PPP1R3F: variants seen among roughly 807,000 people sequenced by gnomAD.
The protein encoded by PPP1R3F is protein phosphatase 1, regulatory (inhibitor) subunit 3F.
PPP1R3F carries 29 observed loss-of-function variants against 24.2 expected under a neutral mutation model. The observed-to-expected ratio is 1.20, with a 90% CI of 0.89 to 1.63. PPP1R3F has a LOEUF of 1.63. Among genes scored for constraint, PPP1R3F ranks in the 40% most tolerant of loss-of-function variants. The pLI, the probability that PPP1R3F is intolerant of heterozygous loss-of-function variation, is 0.00. For missense variants in PPP1R3F, 823 were observed against 729.3 expected (o/e 1.13, Z -1.48); for synonymous variants, 363 against 340.1 (o/e 1.07, Z -0.74).
At chrX:49,274,045 G>T (rs1481859547) in intron 1 of PPP1R3F, 3 of 112,829 alleles carry the variant, frequency 2.7e-5, no homozygotes, top group Non-Finnish European at 3.8e-5. Flanking sequence ...CAGAGGATTT[G>T]TTGTATGAGA....
At chrX:49,294,381 C>A (rs1407125356) in intron 3 of PPP1R3F, among the ~76,000 whole-genome samples, 1 of 108,237 alleles carries the variant, frequency 9.2e-6, no homozygotes, top group Non-Finnish European at 1.9e-5. Flanking sequence ...GCCACCACAC[C>A]CAGCTAAATT....
chrX:49,281,465 A>C lies in PPP1R3F; in HGVS notation c.1060+4A>C. Reference sequence around the variant, plus strand: ...GATGATAACACCTTTGCCATGGGTAAGCAATTGGCAAGCTTCGGAAGTTTT... The same window carrying C: ...GATGATAACACCTTTGCCATGGGTACGCAATTGGCAAGCTTCGGAAGTTTT... On this transcript the variant is annotated splice_donor_region_variant and intron_variant, in intron 2 of 3. Coordinates refer to ENST00000055335, the MANE Select transcript of PPP1R3F (RefSeq NM_033215.5). 8.4e-7 allele frequency: 1 copy of C among 1,190,423 alleles called. No individual in the cohort carries two copies. The highest frequency in any genetic ancestry group is 1.7e-5 in the African/African-American group (1 of 57,317).
At chrX:49,275,938 T>A (rs2066210149) in intron 1 of PPP1R3F, among the ~76,000 whole-genome samples, 1 of 112,520 alleles carries the variant, frequency 8.9e-6, no homozygotes, top group African/African-American at 3.2e-5. Flanking sequence ...ACCTGCTATC[T>A]GAGTTGGCAG....
intron 1 of PPP1R3F, among the ~76,000 whole-genome samples, chrX:49,278,520 A>G (rs1018949253): frequency 8.9e-6 from 1 of 112,147 alleles, no homozygotes; most frequent in Non-Finnish European, 1.9e-5. Flanking sequence ...CTCATCTGTG[A>G]TGTGTGGGAG....
chrX:49,272,284 G>C (rs1450603211), intron 1 of PPP1R3F, among the ~76,000 whole-genome samples: 1 of 111,833 alleles, frequency 8.9e-6, no homozygotes, highest in East Asian at 2.8e-4. Context: ...TCATTTAAAG[G>C]GGGCAGGCAG....
intron 1 of PPP1R3F, among the ~76,000 whole-genome samples, chrX:49,278,964 TG>T (rs1486822787): frequency 8.9e-6 from 1 of 112,585 alleles, no homozygotes; most frequent in Non-Finnish European, 1.9e-5. Flanking sequence ...AGGCCTGGGT[TG>T]TGATGTGAAG....
At chrX:49,291,332 C>T (rs868927239), downstream of PPP1R3F, among the ~76,000 whole-genome samples, 1 of 85,773 alleles carries the variant, frequency 1.2e-5, no homozygotes, top group Non-Finnish European at 2.6e-5. Flanking sequence ...CTCTCTGTCT[C>T]TCTCCTTTCT....
intron 1 of PPP1R3F, among the ~76,000 whole-genome samples, chrX:49,272,370 T>TA (rs1310115363): frequency 8.9e-6 from 1 of 112,654 alleles, no homozygotes; most frequent in Non-Finnish European, 1.9e-5. Flanking sequence ...CGCTGCCACT[T>TA]ACTGGCCTTG....
At chrX:49,290,378 A>G (rs1169227061), downstream of PPP1R3F, among the ~76,000 whole-genome samples, 1 of 110,801 alleles carries the variant, frequency 9.0e-6, no homozygotes, top group Non-Finnish European at 1.9e-5. Context: ...GGACCTGCCC[A>G]TATTGTCCTC....
chrX:49,298,584 C>T (rs1356610846), intron 3 of PPP1R3F, among the ~76,000 whole-genome samples: 1 of 111,987 alleles, frequency 8.9e-6, no homozygotes, highest in Admixed American at 9.5e-5. Flanking sequence ...GGAAGTTCTA[C>T]TGGATAATAT....
downstream of PPP1R3F, among the ~76,000 whole-genome samples, chrX:49,291,351 G>A (rs1163408952): frequency 3.4e-5 from 2 of 59,218 alleles, no homozygotes; most frequent in South Asian, 1.0e-3. Flanking sequence ...CTTTCTTGAC[G>A]GAGTCTCGCT....
intron 3 of PPP1R3F, among the ~76,000 whole-genome samples, chrX:49,299,129 T>A (rs2066330719): frequency 8.9e-6 from 1 of 112,001 alleles, no homozygotes; most frequent in Admixed American, 9.4e-5. Flanking sequence ...TGGATTTTCC[T>A]CATCTTTGTG....
At chrX:49,271,450 G>A (rs782344234) in intron 1 of PPP1R3F, among the ~76,000 whole-genome samples, 1 of 112,835 alleles carries the variant, frequency 8.9e-6, no homozygotes, top group Non-Finnish European at 1.9e-5. Flanking sequence ...TCTAGGTAGA[G>A]GAAACAGCAA....
chrX:49,296,544 T>A (rs1402171429), intron 3 of PPP1R3F, among the ~76,000 whole-genome samples: 1 of 111,748 alleles, frequency 8.9e-6, no homozygotes, highest in African/African-American at 3.3e-5. Flanking sequence ...CTTAGTTATT[T>A]CTTGTCTTTT....
intron 3 of PPP1R3F, among the ~76,000 whole-genome samples, chrX:49,294,501 T>A (rs1569531178): frequency 9.1e-6 from 1 of 109,970 alleles, no homozygotes; most frequent in African/African-American, 3.3e-5. Flanking sequence ...AGTACAGGCG[T>A]GAGCCACTGC....
intron 3 of PPP1R3F, among the ~76,000 whole-genome samples, chrX:49,297,505 C>T (rs1212177690): frequency 1.8e-5 from 2 of 110,388 alleles, no homozygotes; most frequent in African/African-American, 3.3e-5. Flanking sequence ...TGAGCCACCG[C>T]GCCTGGCCAA....
At chrX:49,278,721 G>T (rs1557120300) in intron 1 of PPP1R3F, among the ~76,000 whole-genome samples, 1 of 112,709 alleles carries the variant, frequency 8.9e-6, no homozygotes, top group Non-Finnish European at 1.9e-5. Flanking sequence ...CAGCCATTCT[G>T]TGTCTAGTGG....
Position 49,269,825 on chromosome X carries a change from G to A in PPP1R3F, c.-45G>A. 1.2e-6 allele frequency: 1 copy of A among 832,065 alleles called. No individual in the cohort carries two copies. Among genetic ancestry groups the A allele is most frequent in the East Asian group, 5.7e-5 (1 of 17,558 alleles). 68.6% of individuals were successfully genotyped at this position (832,065 alleles called of 1,213,427 possible). On this transcript the variant is annotated 5_prime_UTR_variant, in exon 1 of 4. Transcript: ENST00000055335. Reference sequence around the variant, plus strand: ...GCCCGCCCCTTCAGGCCCTGCCCCCGCCGGTCCCGCCGCCGGTGCCGTCGG... The same window carrying A: ...GCCCGCCCCTTCAGGCCCTGCCCCCACCGGTCCCGCCGCCGGTGCCGTCGG...
intron 3 of PPP1R3F, among the ~76,000 whole-genome samples, chrX:49,296,027 CT>C (rs2066321905): frequency 9.0e-6 from 1 of 111,711 alleles, no homozygotes; most frequent in Admixed American, 9.5e-5. Context: ...TGATGCTGGC[CT>C]CATAAAATGA....
Sources: gnomAD v4.1 joint callset for allele counts (sites outside exome capture counted in the v4.1 genomes callset) on GRCh38, gnomAD v4.1.1 for gene constraint, MANE v1.5 for transcripts, NCBI Gene and HGNC (gene_info 2026-07-23, HGNC 2026-07-21) for gene names.